CHP1: variants seen among roughly 807,000 people sequenced by gnomAD.
CHP1 encodes calcineurin B homologous protein 1.
A neutral mutation model predicts 27.4 loss-of-function variants in CHP1; 11 were observed. The ratio of observed to expected loss-of-function variants is 0.40; its 90% CI spans 0.25 to 0.67. The LOEUF is 0.67. Among genes scored for constraint, CHP1 ranks in the 30% least tolerant of loss-of-function variants. CHP1 has a pLI of 0.38. For missense variants in CHP1, 169 were observed against 251.3 expected (o/e 0.67, Z 2.22); for synonymous variants, 89 against 87.4 (o/e 1.02, Z -0.10).
At chr15:41,252,309 C>T (rs957847149) in intron 2 of CHP1, among the ~76,000 whole-genome samples, 2 of 151,826 alleles carry the variant, frequency 1.3e-5, no homozygotes, top group African/African-American at 2.4e-5. Flanking sequence ...GCTGGGATTA[C>T]AGGCACCCGC....
rs540738024 is a variant in CHP1 at position 41,268,012 on chromosome 15, T to C, written c.350-2545T>C. Among the ~76,000 whole-genome samples the C allele has an allele frequency of 3.3e-5, 5 of 152,168 alleles. No individual in the cohort carries two copies. The East Asian group carries it at 9.7e-4, about 29-fold the overall frequency. ...CTTTGGTTTTTCATTAAACAAATGT[T>C]TGAGCACCTACTACATGCCAGGTAC... On this transcript the variant is annotated intron_variant, in intron 4 of 6. Transcript: ENST00000334660.
At chr15:41,274,800 T>A (rs867727323) in intron 5 of CHP1, among the ~76,000 whole-genome samples, 24 of 149,902 alleles carry the variant, frequency 1.6e-4, no homozygotes, top group African/African-American at 5.9e-4. Context: ...GTTTTTTTTT[T>A]TTTTTTTTGA....
intron 2 of CHP1, among the ~76,000 whole-genome samples, chr15:41,255,983 T>C (rs1311612852): frequency 6.6e-6 from 1 of 152,018 alleles, no homozygotes; most frequent in East Asian, 1.9e-4. Context: ...TGCCATTGCA[T>C]TCCAGCCTGG....
intron 6 of CHP1, 151 bp from the exon 7 acceptor site, chr15:41,279,185 T>TG: frequency 1.5e-6 from 1 of 670,806 alleles, no homozygotes; most frequent in Non-Finnish European, 2.5e-6. Flanking sequence ...CACTCCAGCC[T>TG]GGCAACAGAG....
chr15:41,255,040 G>GT (rs2047391580), intron 2 of CHP1, among the ~76,000 whole-genome samples: 1 of 152,140 alleles, frequency 6.6e-6, no homozygotes, highest in Non-Finnish European at 1.5e-5. Flanking sequence ...ATACTTCACT[G>GT]TTTATTTCCT....
chr15:41,258,984 G>T (rs1400461686), intron 3 of CHP1, among the ~76,000 whole-genome samples: 1 of 152,168 alleles, frequency 6.6e-6, no homozygotes, highest in East Asian at 1.9e-4. Context: ...CGGGCAGTTA[G>T]TTCATGTAAA....
At chr15:41,275,137 A>T (rs2047513235) in intron 5 of CHP1, among the ~76,000 whole-genome samples, 1 of 151,842 alleles carries the variant, frequency 6.6e-6, no homozygotes, top group African/African-American at 2.4e-5. Context: ...TGTACCTAAA[A>T]TGTACAACTT....
At chr15:41,278,184 CT>C (rs971813391) in intron 5 of CHP1, among the ~76,000 whole-genome samples, 6 of 151,574 alleles carry the variant, frequency 4.0e-5, no homozygotes, top group Non-Finnish European at 8.8e-5. Flanking sequence ...AAAAATTAGC[CT>C]AGCCGGGCAC....
intron 2 of CHP1, among the ~76,000 whole-genome samples, chr15:41,255,237 C>G (rs1376620642): frequency 1.3e-5 from 2 of 152,134 alleles, no homozygotes; most frequent in Non-Finnish European, 1.5e-5. Context: ...TTTAGCCCCC[C>G]CTTGATCTGG....
Position 41,246,787 on chromosome 15 carries a change from C to A in CHP1, c.140+3048C>A, listed in dbSNP as rs188855520. On this transcript the variant is annotated intron_variant, in intron 2 of 6. Coordinates refer to ENST00000334660, the MANE Select transcript of CHP1 (RefSeq NM_007236.5). The stretch of plus-strand genomic sequence containing the variant: ...GGGCGTGGTGGCAGGCGCCTGTAGT[C>A]CCAGCTACTCGAGAGGCTGAGGTAG... Among the ~76,000 whole-genome samples the A allele has an allele frequency of 3.1e-3, 471 of 150,896 alleles. 3 individuals are homozygous for A. Among genetic ancestry groups the A allele is most frequent in the African/African-American group, 0.011 (446 of 41,154 alleles).
intron 1 of CHP1, among the ~76,000 whole-genome samples, chr15:41,242,513 G>C (rs2047311816): frequency 6.6e-6 from 1 of 152,152 alleles, no homozygotes; most frequent in Admixed American, 6.6e-5. Flanking sequence ...CAGCTACTTG[G>C]GAGACTGAGG....
At chr15:41,269,253 G>GA (rs59068519) in intron 4 of CHP1, among the ~76,000 whole-genome samples, 2,724 of 150,558 alleles carry the variant, frequency 0.018, 86 homozygotes, top group African/African-American at 0.061. Context: ...AAACAGAGCA[G>GA]AAAAAAAAAT....
intron 1 of CHP1, among the ~76,000 whole-genome samples, chr15:41,232,333 C>G (rs995697680): frequency 9.2e-5 from 14 of 151,728 alleles, no homozygotes; most frequent in African/African-American, 3.4e-4. Context: ...GCCTCAGCCT[C>G]CCAGGTAGCT....
chr15:41,279,455 C>A lies in CHP1; in HGVS notation c.*66C>A. ...TGGAACTTGAAAGTCCTCCTTCTACCAACTCCACCTCCACCCCCTCATTCC... is the reference window on the plus strand; with the variant it reads ...TGGAACTTGAAAGTCCTCCTTCTACAAACTCCACCTCCACCCCCTCATTCC... On this transcript the variant is annotated 3_prime_UTR_variant, in exon 7 of 7. Coordinates refer to ENST00000334660, the MANE Select transcript of CHP1 (RefSeq NM_007236.5). 2 of 1,310,576 alleles carry A rather than the reference C, an allele frequency of 1.5e-6. No individual in the cohort carries two copies. The highest frequency in any genetic ancestry group is 1.2e-5 in the South Asian group (1 of 83,632). 81.2% of individuals were successfully genotyped at this position (1,310,576 alleles called of 1,614,324 possible). A position where few individuals can be genotyped will look rare whatever the true frequency, so the allele number is the denominator to read the frequency against.
At chr15:41,271,986 C>A (rs2047491953) in intron 5 of CHP1, among the ~76,000 whole-genome samples, 1 of 152,238 alleles carries the variant, frequency 6.6e-6, no homozygotes. Context: ...CTCGGCCTCT[C>A]AAAGTGTTGG....
chr15:41,258,974 C>T (rs1325970053), intron 3 of CHP1, among the ~76,000 whole-genome samples: 1 of 152,218 alleles, frequency 6.6e-6, no homozygotes, highest in East Asian at 1.9e-4. Context: ...GGAATTAGGT[C>T]GGGCAGTTAG....
chr15:41,277,050 C>T (rs75568820), intron 5 of CHP1, among the ~76,000 whole-genome samples: 267 of 152,290 alleles, frequency 1.8e-3, no homozygotes, highest in African/African-American at 6.3e-3. Flanking sequence ...TATCCAGTCA[C>T]CTAGATAAGT....
At chr15:41,237,116 C>A (rs1429003773) in intron 1 of CHP1, among the ~76,000 whole-genome samples, 12 of 151,072 alleles carry the variant, frequency 7.9e-5, no homozygotes, top group Non-Finnish European at 1.8e-4. Flanking sequence ...CAGGCGTGAG[C>A]CACCGCACCT....
chr15:41,260,224 A>T (rs1183061873), intron 3 of CHP1, among the ~76,000 whole-genome samples: 9 of 151,812 alleles, frequency 5.9e-5, no homozygotes. Flanking sequence ...TTAGATAAAT[A>T]AATTATATTA....
Sources: gnomAD v4.1 joint callset for allele counts (sites outside exome capture counted in the v4.1 genomes callset) on GRCh38, gnomAD v4.1.1 for gene constraint, MANE v1.5 for transcripts, NCBI Gene and HGNC (gene_info 2026-07-23, HGNC 2026-07-21) for gene names.